Variants in DACH1 observed in about 807,000 individuals in gnomAD.
The protein encoded by DACH1 is dachshund homolog 1.
In DACH1, 12 loss-of-function variants were observed where a neutral mutation model predicts 54.2. The observed-to-expected ratio is 0.22, with a 90% CI of 0.14 to 0.36. The LOEUF is 0.36. Among genes scored for constraint, DACH1 ranks in the 10% least tolerant of loss-of-function variants. The pLI, the probability that DACH1 is intolerant of heterozygous loss-of-function variation, is 1.00. For synonymous variants in DACH1, 386 were observed against 366.2 expected, an observed-to-expected ratio of 1.05 and a Z score of -0.62; for missense variants, 805 against 929.8, an observed-to-expected ratio of 0.87 and a Z score of 1.75.
At chr13:71,696,900 A>G (rs1322732583) in intron 1 of DACH1, among the ~76,000 whole-genome samples, 1 of 152,106 alleles carries the variant, frequency 6.6e-6, no homozygotes, top group Non-Finnish European at 1.5e-5. Flanking sequence ...TATATTTACT[A>G]TTTAAAAATA....
At chr13:71,733,399 C>A (rs545359984) in intron 1 of DACH1, among the ~76,000 whole-genome samples, 1 of 152,228 alleles carries the variant, frequency 6.6e-6, no homozygotes, top group East Asian at 1.9e-4. Context: ...CCAAGCTGGT[C>A]TTGAAGTCCT....
At chr13:71,752,758 A>C (rs1884984178) in intron 1 of DACH1, among the ~76,000 whole-genome samples, 1 of 152,220 alleles carries the variant, frequency 6.6e-6, no homozygotes, top group Non-Finnish European at 1.5e-5. Flanking sequence ...CTAGTCATTG[A>C]AGATTGACAG....
At chr13:71,524,290 A>G (rs1370482507) in intron 6 of DACH1, among the ~76,000 whole-genome samples, 1 of 152,184 alleles carries the variant, frequency 6.6e-6, no homozygotes, top group Admixed American at 6.6e-5. Flanking sequence ...TGATTGCTAC[A>G]TTATCATGTC....
chr13:71,779,153 ATATACGTATATACG>A (rs1886206851), intron 1 of DACH1, among the ~76,000 whole-genome samples: 1 of 80,246 alleles, frequency 1.2e-5, no homozygotes, highest in Non-Finnish European at 3.0e-5. Context: ...ATATACACAT[ATATACGTATATACG>A]TATATATATA....
intron 3 of DACH1, among the ~76,000 whole-genome samples, chr13:71,625,884 C>T (rs1167714798): frequency 2.6e-5 from 4 of 152,000 alleles, no homozygotes; most frequent in Admixed American, 1.3e-4. Flanking sequence ...TTTCTTGGGA[C>T]ATCTGTTTTG....
At chr13:71,539,098 C>T (rs762873157) in intron 6 of DACH1, among the ~76,000 whole-genome samples, 11 of 151,908 alleles carry the variant, frequency 7.2e-5, no homozygotes, top group South Asian at 4.1e-4. Context: ...TGTTATGGTT[C>T]TGCCATATAC....
chr13:71,440,508 T>TG lies in DACH1; in HGVS notation c.*146_*147insC. On this transcript the variant is annotated 3_prime_UTR_variant, in exon 11 of 11. Coordinates refer to ENST00000613252, the MANE Select transcript of DACH1 (RefSeq NM_080759.6). ...ATGGAGAAAACTTTTTTTTTTTTTG[T>TG]AGAATACTTAAACTTTTAAAGAACA... 1.7e-6 allele frequency: 1 copy of TG among 584,654 alleles called. No homozygotes were observed. Among genetic ancestry groups the TG allele is most frequent in the Non-Finnish European group, 2.9e-6 (1 of 343,308 alleles). The allele number at this position is 584,654 out of a possible 1,614,324, so 36.2% of individuals were successfully genotyped here. A position where few individuals can be genotyped will look rare whatever the true frequency, so the allele number is the denominator to read the frequency against.
intron 6 of DACH1, among the ~76,000 whole-genome samples, chr13:71,510,205 A>G (rs1416477746): frequency 6.6e-6 from 1 of 152,008 alleles, no homozygotes; most frequent in Non-Finnish European, 1.5e-5. Context: ...TTTTAAGCTT[A>G]AGACATAACA....
Position 71,797,043 on chromosome 13 carries a change from C to T in DACH1, c.848+68879G>A, listed in dbSNP as rs537497210. 4.6e-5 allele frequency among the ~76,000 whole-genome samples: 7 copies of T among 151,942 alleles called. No individual in the cohort carries two copies. In the South Asian group the frequency reaches 1.0e-3, roughly 23 times the overall value. Reference sequence around the variant, plus strand: ...TACACCTAAGTTAACATAATCCTCTCGTATGTGTCAATAGTTCTAATATTA... The same window carrying T: ...TACACCTAAGTTAACATAATCCTCTTGTATGTGTCAATAGTTCTAATATTA... On this transcript the variant is annotated intron_variant, in intron 1 of 10. Coordinates refer to ENST00000613252, the MANE Select transcript of DACH1 (RefSeq NM_080759.6).
chr13:71,710,273 A>T (rs1177888618), intron 1 of DACH1, among the ~76,000 whole-genome samples: 3 of 152,136 alleles, frequency 2.0e-5, no homozygotes, highest in Admixed American at 6.6e-5. Flanking sequence ...TTATAAAGAA[A>T]ATTACATTTC....
At chr13:71,768,270 T>C (rs1594197649) in intron 1 of DACH1, among the ~76,000 whole-genome samples, 1 of 150,748 alleles carries the variant, frequency 6.6e-6, no homozygotes, top group South Asian at 2.1e-4. Context: ...TTACCTACTT[T>C]CCATCCTCAC....
intron 6 of DACH1, among the ~76,000 whole-genome samples, chr13:71,515,509 C>T (rs991603811): frequency 2.6e-5 from 4 of 151,860 alleles, no homozygotes; most frequent in Non-Finnish European, 5.9e-5. Flanking sequence ...TCATAAATAA[C>T]ATTTGCTATG....
chr13:71,511,605 A>G (rs554276048), intron 6 of DACH1, among the ~76,000 whole-genome samples: 1 of 152,090 alleles, frequency 6.6e-6, no homozygotes. Context: ...AAAAAGAGAA[A>G]AACTCAATTC....
At chr13:71,697,332 A>C in intron 1 of DACH1, among the ~76,000 whole-genome samples, 1 of 152,192 alleles carries the variant, frequency 6.6e-6, no homozygotes, top group East Asian at 1.9e-4. Flanking sequence ...CTTAGCAGTT[A>C]TTTAAAGACC....
chr13:71,475,960 C>G, intron 8 of DACH1, 111 bp from the exon 9 acceptor site: 1 of 750,556 alleles, frequency 1.3e-6, no homozygotes, highest in East Asian at 3.3e-5. Flanking sequence ...TCCTGCTGAA[C>G]TGAGTCTACC....
chr13:71,752,659 G>A (rs929937941), intron 1 of DACH1, among the ~76,000 whole-genome samples: 2 of 152,064 alleles, frequency 1.3e-5, no homozygotes, highest in Non-Finnish European at 2.9e-5. Context: ...TGTCATTTCT[G>A]ATTTTTTAAG....
chr13:71,763,907 C>A (rs1885506169), intron 1 of DACH1, among the ~76,000 whole-genome samples: 1 of 152,128 alleles, frequency 6.6e-6, no homozygotes, highest in Non-Finnish European at 1.5e-5. Flanking sequence ...GCAAAATGCC[C>A]ACCTTTATGC....
chr13:71,603,824 C>T (rs963978887), intron 3 of DACH1, among the ~76,000 whole-genome samples: 24 of 151,436 alleles, frequency 1.6e-4, no homozygotes, highest in African/African-American at 4.6e-4. Context: ...TATGTGATAC[C>T]GATATTATGC....
intron 7 of DACH1, 113 bp downstream of exon 7, chr13:71,488,884 C>A: frequency 1.0e-6 from 1 of 985,570 alleles, no homozygotes; most frequent in East Asian, 2.5e-5. Flanking sequence ...GAGTTTAATA[C>A]CATGTTTCAG....
Sources: allele counts gnomAD v4.1 joint callset (sites outside exome capture counted in the v4.1 genomes callset), GRCh38; gene constraint gnomAD v4.1.1; transcripts MANE v1.5; gene names NCBI Gene and HGNC (gene_info 2026-07-23, HGNC 2026-07-21).